The following RFX4 variants were observed in gnomAD, a reference collection of about 807,000 sequenced individuals.
RFX4 encodes the protein transcription factor RFX4.
In RFX4, 10 loss-of-function variants were observed where a neutral mutation model predicts 95.0. The observed-to-expected ratio is 0.11, with a 90% CI of 0.06 to 0.18. RFX4 has a LOEUF of 0.18. RFX4 is among the 10% of genes least tolerant of loss of function. The pLI is 1.00. For missense variants in RFX4, 640 were observed against 922.0 expected (o/e 0.69, Z 3.96); for synonymous variants, 321 against 340.7 (o/e 0.94, Z 0.64).
chr12:106,688,365 G>C (rs1012312969), intron 6 of RFX4, among the ~76,000 whole-genome samples: 4 of 152,140 alleles, frequency 2.6e-5, no homozygotes, highest in African/African-American at 9.7e-5. Flanking sequence ...ACCGGGCCCA[G>C]TCGAGTATCA....
At chr12:106,685,042 A>T in intron 5 of RFX4, 1 of 1,383,750 alleles carries the variant, frequency 7.2e-7, no homozygotes, top group Non-Finnish European at 9.7e-7. Context: ...TTGTATCTCC[A>T]TGGGTAGAGA....
intron 17 of RFX4, among the ~76,000 whole-genome samples, chr12:106,754,373 T>C (rs1387539496): frequency 2.0e-5 from 3 of 152,212 alleles, no homozygotes; most frequent in Non-Finnish European, 4.4e-5. Context: ...CATTCATTAA[T>C]TTATTTCTCA....
At chr12:106,585,010 T>A (rs1327723569) in intron 1 of RFX4, among the ~76,000 whole-genome samples, 1 of 152,232 alleles carries the variant, frequency 6.6e-6, no homozygotes, top group African/African-American at 2.4e-5. Context: ...AAAGCGCCTT[T>A]TCCACCATTT....
At chr12:106,621,495 T>A (rs1461880124) in intron 2 of RFX4, among the ~76,000 whole-genome samples, 5 of 152,230 alleles carry the variant, frequency 3.3e-5, no homozygotes, top group African/African-American at 1.2e-4. Flanking sequence ...GTTTACCGAC[T>A]TCCCTTTACT....
intron 17 of RFX4, among the ~76,000 whole-genome samples, chr12:106,751,046 A>G (rs997498846): frequency 4.7e-5 from 7 of 150,364 alleles, no homozygotes; most frequent in African/African-American, 1.5e-4. Context: ...CTAACTCCTC[A>G]TCTAGCATTA....
chr12:106,694,418 C>T (rs2041840474), intron 7 of RFX4, among the ~76,000 whole-genome samples: 1 of 152,144 alleles, frequency 6.6e-6, no homozygotes, highest in Admixed American at 6.5e-5. Flanking sequence ...AAAATTAGGC[C>T]CTACTCCTTG....
chr12:106,717,000 CAA>C (rs71311249), intron 11 of RFX4, among the ~76,000 whole-genome samples: 56 of 60,496 alleles, frequency 9.3e-4, no homozygotes, highest in Admixed American at 1.6e-3. Flanking sequence ...GCACAGGAGA[CAA>C]AAAAAAAAAA....
intron 16 of RFX4, among the ~76,000 whole-genome samples, chr12:106,748,314 T>G (rs752461786): frequency 6.6e-6 from 1 of 152,202 alleles, no homozygotes; most frequent in Non-Finnish European, 1.5e-5. Flanking sequence ...ATTACAGAGC[T>G]TCATCTTAGG....
intron 15 of RFX4, among the ~76,000 whole-genome samples, chr12:106,745,575 A>G (rs1294259087): frequency 2.0e-5 from 3 of 152,192 alleles, no homozygotes; most frequent in African/African-American, 4.8e-5. Context: ...CCACTACTCC[A>G]TATCAATGCA....
chr12:106,752,827 GCATTTGGGAAACCACCGCTGGA>G (rs1398891150), intron 17 of RFX4, among the ~76,000 whole-genome samples: 2 of 152,062 alleles, frequency 1.3e-5, no homozygotes, highest in African/African-American at 4.8e-5. Context: ...GCACTTGGCT[GCATTTGGGAAACCACCGCTGGA>G]CACTCTACCT....
chr12:106,708,409 A>T (rs994640061), intron 8 of RFX4, among the ~76,000 whole-genome samples: 1 of 150,596 alleles, frequency 6.6e-6, no homozygotes, highest in Non-Finnish European at 1.5e-5. Flanking sequence ...AGAGTTGGGG[A>T]ATTGGAGGCG....
chr12:106,649,854 G>A (rs1259527865), intron 3 of RFX4, among the ~76,000 whole-genome samples: 3 of 152,142 alleles, frequency 2.0e-5, no homozygotes, highest in African/African-American at 4.8e-5. Flanking sequence ...GAACCTGAGG[G>A]TTTGCTTGGT....
chr12:106,588,978 C>A (rs765334021), intron 1 of RFX4, among the ~76,000 whole-genome samples: 5 of 152,180 alleles, frequency 3.3e-5, no homozygotes, highest in Non-Finnish European at 5.9e-5. Flanking sequence ...ATGCCGGACA[C>A]TCAGGTCTCT....
At chr12:106,601,327 T>G (rs368999937) in intron 1 of RFX4, 1 of 1,590,094 alleles carries the variant, frequency 6.3e-7, no homozygotes, top group Non-Finnish European at 8.6e-7. Context: ...GGACCAGGCC[T>G]CGACGGCGCC....
intron 1 of RFX4, among the ~76,000 whole-genome samples, chr12:106,594,662 G>A (rs1050491891): frequency 1.1e-4 from 16 of 152,164 alleles, no homozygotes; most frequent in Non-Finnish European, 1.5e-4. Context: ...CTCGCACAGA[G>A]GCCGGCTGAG....
chr12:106,641,913 A>AG (rs2040631129), intron 3 of RFX4, among the ~76,000 whole-genome samples: 1 of 152,110 alleles, frequency 6.6e-6, no homozygotes, highest in African/African-American at 2.4e-5. Flanking sequence ...AGCTGATGAC[A>AG]GGGGAAAAAG....
intron 2 of RFX4, among the ~76,000 whole-genome samples, chr12:106,611,545 C>T (rs372935538): frequency 7.3e-5 from 11 of 150,458 alleles, no homozygotes; most frequent in African/African-American, 2.4e-4. Context: ...GAGTCTCACT[C>T]TGTTGCCCAG....
intron 2 of RFX4, among the ~76,000 whole-genome samples, chr12:106,616,344 T>G (rs1330260092): frequency 6.6e-6 from 1 of 152,184 alleles, no homozygotes; most frequent in Non-Finnish European, 1.5e-5. Context: ...TATATACTTC[T>G]GGGTGTGATT....
At chr12:106,743,841 C>T (rs1022130649) in intron 15 of RFX4, among the ~76,000 whole-genome samples, 1 of 152,174 alleles carries the variant, frequency 6.6e-6, no homozygotes, top group African/African-American at 2.4e-5. Flanking sequence ...CGCCTGAGGT[C>T]CCAGAGGCTT....
Sources: allele counts gnomAD v4.1 joint callset (sites outside exome capture counted in the v4.1 genomes callset), GRCh38; gene constraint gnomAD v4.1.1; transcripts MANE v1.5; gene names NCBI Gene and HGNC (gene_info 2026-07-23, HGNC 2026-07-21).